DPP3: variants seen among roughly 807,000 people sequenced by gnomAD.
DPP3 encodes the protein dipeptidyl peptidase 3.
A neutral mutation model predicts 89.8 loss-of-function variants in DPP3; 64 were observed. The ratio of observed to expected loss-of-function variants is 0.71; its 90% CI spans 0.58 to 0.88. The LOEUF (loss-of-function observed/expected upper bound fraction) is 0.88. Ranked by LOEUF, DPP3 falls within the 40% of genes least tolerant of loss-of-function variation. The pLI, the probability that DPP3 is intolerant of heterozygous loss-of-function variation, is 0.00. For synonymous variants in DPP3, 377 were observed against 404.3 expected (o/e 0.93, Z 0.81); for missense variants, 835 against 972.5 (o/e 0.86, Z 1.88).
At chr11:66,492,590 C>G in intron 9 of DPP3, 126 bp from the exon 10 acceptor site, 1 of 1,165,144 alleles carries the variant, frequency 8.6e-7, no homozygotes, top group East Asian at 2.5e-5. Flanking sequence ...TCACTGCTAT[C>G]CCCATCTTCC....
rs1319820329 is a variant in DPP3 at position 66,504,764 on chromosome 11, T to C, written c.2031T>C (p.Thr677=). ...GGAAGCTCATTGTTCAGCCCAACAC[T>C]CGCCTTGAAGGTAATGAGGTAATGA... is the stretch of plus-strand genomic sequence containing the variant. ...ESRKLIVQPN[T]RLEGSDVQLL... The change falls in exon 17 of 18, where the codon ACT becomes ACC. Residue 677 remains threonine (T), a synonymous_variant. Coordinates refer to ENST00000531863, the MANE Select transcript of DPP3 (RefSeq NM_130443.4). 1.2e-6 allele frequency: 2 copies of C among 1,610,380 alleles called. No homozygotes were observed. The highest frequency in any genetic ancestry group is 8.5e-7 in the Non-Finnish European group (1 of 1,178,440).
chr11:66,480,693 G>A, intron 1 of DPP3: 1 of 443,498 alleles, frequency 2.3e-6, no homozygotes, highest in Non-Finnish European at 3.9e-6. Context: ...GCCGGGGCAG[G>A]GCGAGGAGGC....
At position 66,495,714 on chromosome 11, in the gene DPP3, G is replaced by A. The variant is rs575209112; in HGVS notation, c.1662G>A (p.Leu554=). 7.5e-6 allele frequency: 12 copies of A among 1,610,704 alleles called. No individual in the cohort carries two copies. In the Admixed American group the frequency reaches 1.8e-4, roughly 25 times the overall value. ...TGGTTCGGGCCGGGCTGCTCGCTCT[G>A]GAGTTCTACACACCTGAGGCCTTCA... is the stretch of plus-strand genomic sequence containing the variant. ...LNMVRAGLLA[L]EFYTPEAFNW... is the part of the protein sequence containing the mutation. The change falls in exon 15 of 18, where the codon CTG becomes CTA. Residue 554 remains leucine, a synonymous_variant. Coordinates refer to ENST00000531863, the MANE Select transcript of DPP3 (RefSeq NM_130443.4).
At chr11:66,495,114 T>C in intron 12 of DPP3, 92 bp from the exon 13 acceptor site, 1 of 1,600,566 alleles carries the variant, frequency 6.2e-7, no homozygotes. Flanking sequence ...CCCGCTTGCC[T>C]TCCTGAGCCA....
intron 12 of DPP3, among the ~76,000 whole-genome samples, chr11:66,494,214 C>G: frequency 6.6e-6 from 1 of 152,156 alleles, no homozygotes; most frequent in South Asian, 2.1e-4. Flanking sequence ...TATGGAAACA[C>G]AGACAGTCAT....
At chr11:66,498,524 C>T (rs1222027691) in intron 16 of DPP3, among the ~76,000 whole-genome samples, 1 of 152,194 alleles carries the variant, frequency 6.6e-6, no homozygotes, top group Non-Finnish European at 1.5e-5. Flanking sequence ...GCACTGTGCC[C>T]AGCCAGGACA....
intron 6 of DPP3, 75 bp downstream of exon 6, chr11:66,488,082 C>T (rs546426859): frequency 5.5e-6 from 7 of 1,263,654 alleles, no homozygotes; most frequent in Admixed American, 4.7e-5. Flanking sequence ...GTCCTACCAA[C>T]TCTGCCACTC....
rs201334380 is a variant in DPP3 at position 66,493,186 on chromosome 11, G to A, written c.1296+7G>A. The A allele has an allele frequency of 1.2e-5, 19 of 1,612,006 alleles. No homozygotes were observed. Among genetic ancestry groups the A allele is most frequent in the African/African-American group, 6.7e-5 (5 of 75,040 alleles). On this transcript the variant is annotated splice_region_variant and intron_variant, in intron 11 of 17. Coordinates refer to ENST00000531863, the MANE Select transcript of DPP3 (RefSeq NM_130443.4). ...TCTGGAGGAGGATGACAAGGTGGGC[G>A]CCAGCAGTCGGAGGGTCGGGGCTGG...
At chr11:66,481,599 C>A (rs1363529802) in intron 1 of DPP3, among the ~76,000 whole-genome samples, 1 of 152,268 alleles carries the variant, frequency 6.6e-6, no homozygotes, top group South Asian at 2.1e-4. Flanking sequence ...GGCTCTTAGC[C>A]TCTCTGAACC....
rs968976408 is a variant in DPP3, at chr11:66,491,547, C to T, written c.852C>T (p.Ser284=). ...QGQMLAQYIE[S]FTQGSIEAHK... Reference sequence around the variant, plus strand: ...AGATGCTGGCCCAGTATATAGAGAGCTTCACCCAGGGCTCCATCGAGGCCC... The same window carrying T: ...AGATGCTGGCCCAGTATATAGAGAGTTTCACCCAGGGCTCCATCGAGGCCC... The change falls in exon 8 of 18, where the codon AGC becomes AGT. Residue 284 remains serine (S), a synonymous_variant. Transcript: ENST00000531863. The T allele has an allele frequency of 3.1e-6, 5 of 1,613,658 alleles. No homozygotes were observed. Among genetic ancestry groups the T allele is most frequent in the Non-Finnish European group, 4.2e-6 (5 of 1,179,848 alleles).
At chr11:66,504,579 C>T (rs1855754880) in intron 16 of DPP3, 33 bp from the exon 17 acceptor site, 1 of 1,576,140 alleles carries the variant, frequency 6.3e-7, no homozygotes, top group African/African-American at 1.4e-5. Context: ...GGGTAACTGC[C>T]CATCCTAGAC....
chr11:66,485,226 CT>C lies in DPP3; in HGVS notation c.327del (p.Phe109LeufsTer18), dbSNP rs1855192685. On this transcript the variant is annotated frameshift_variant, in exon 3 of 18. Transcript: ENST00000531863. LOFTEE classifies it high-confidence loss of function. ...VYSNMGNYKS[F>X]GDTKFVPNLP... ...ACTCCAACATGGGCAACTACAAGTC[CT>C]TTGGTGACACCAAGTTTGTTCCCAA... 1 of 1,613,992 alleles carries C rather than the reference CT, an allele frequency of 6.2e-7. No homozygotes were observed. The highest frequency in any genetic ancestry group is 1.3e-5 in the African/African-American group (1 of 74,914).
intron 17 of DPP3, among the ~76,000 whole-genome samples, chr11:66,505,116 G>C (rs1267193780): frequency 6.6e-6 from 1 of 152,200 alleles, no homozygotes; most frequent in Non-Finnish European, 1.5e-5. Context: ...TACCCAGGCT[G>C]GGGGTCAGGT....
intron 16 of DPP3, among the ~76,000 whole-genome samples, chr11:66,502,711 G>C (rs535453755): frequency 1.3e-5 from 2 of 151,846 alleles, no homozygotes; most frequent in African/African-American, 4.8e-5. Context: ...TGATCCACCC[G>C]CCTCGGCCTC....
At chr11:66,482,727 A>G (rs976267406) in intron 2 of DPP3, among the ~76,000 whole-genome samples, 6 of 152,246 alleles carry the variant, frequency 3.9e-5, no homozygotes, top group Admixed American at 2.6e-4. Context: ...TGTGATTATA[A>G]CAAAAGAAAC....
Position 66,482,401 on chromosome 11 carries a change from C to T in DPP3, c.201C>T (p.Phe67=), listed in dbSNP as rs147041684. ...PYIYALLSRL[F]RAQDPDQLRQ... ...TCTATGCTCTGCTCAGCCGCCTCTT[C>T]CGCGCCCAGGACCCCGACCAGCTGC... The change falls in exon 2 of 18, where the codon TTC becomes TTT. Residue 67 remains phenylalanine, a synonymous_variant. Coordinates refer to ENST00000531863, the MANE Select transcript of DPP3 (RefSeq NM_130443.4). The T allele has an allele frequency of 1.9e-6, 3 of 1,610,976 alleles. No homozygotes were observed. Among genetic ancestry groups the T allele is most frequent in the African/African-American group, 2.7e-5 (2 of 75,062 alleles).
rs776756352 is a variant in DPP3, at chr11:66,491,400, G to A, written c.798+17G>A. The A allele has an allele frequency of 1.2e-6, 2 of 1,612,010 alleles. No homozygotes were observed. The highest frequency in any genetic ancestry group is 1.7e-6 in the Non-Finnish European group (2 of 1,178,760). On this transcript the variant is annotated intron_variant, in intron 7 of 17. Transcript: ENST00000531863. ...AAAGCCAAGGTTGGACTGGCTGGGG[G>A]CTGAGGGGTGCGGGCTGAGGACCCC...
Position 66,504,776 on chromosome 11 carries a change from T to C in DPP3, c.2041+2T>C. 2.5e-6 allele frequency: 4 copies of C among 1,605,850 alleles called. No individual in the cohort carries two copies. Among genetic ancestry groups the C allele is most frequent in the Non-Finnish European group, 3.4e-6 (4 of 1,176,104 alleles). On this transcript the variant is annotated splice_donor_variant, in intron 17 of 17. Transcript: ENST00000531863. LOFTEE classifies it high-confidence loss of function. ...TTCAGCCCAACACTCGCCTTGAAGG[T>C]AATGAGGTAATGAGGGAGCTCTTGA...
At chr11:66,501,843 A>T (rs1211389473) in intron 16 of DPP3, among the ~76,000 whole-genome samples, 1 of 150,562 alleles carries the variant, frequency 6.6e-6, no homozygotes, top group African/African-American at 2.4e-5. Context: ...AAAAAAAAGC[A>T]GGCAAGAACT....
Sources: gnomAD v4.1 joint callset for allele counts (sites outside exome capture counted in the v4.1 genomes callset) on GRCh38, gnomAD v4.1.1 for gene constraint, MANE v1.5 for transcripts, NCBI Gene and HGNC (gene_info 2026-07-23, HGNC 2026-07-21) for gene names.